Variants in GALNT13 observed in about 807,000 individuals in gnomAD.
The protein encoded by GALNT13 is UDP-GalNAc:polypeptide N-acetylgalactosaminyltransferase 13.
In GALNT13, 28 loss-of-function variants were observed where a neutral mutation model predicts 64.2. The observed-to-expected ratio is 0.44, with a 90% CI of 0.32 to 0.60. GALNT13 has a LOEUF of 0.60. GALNT13 is among the 20% of genes least tolerant of loss of function. GALNT13 has a pLI of 0.05. For missense variants in GALNT13, 577 were observed against 669.8 expected (o/e 0.86, Z 1.53); for synonymous variants, 214 against 224.6 (o/e 0.95, Z 0.42).
At chr2:153,378,304 ATAGATAATT>A in the GALNT13 span, among the ~76,000 whole-genome samples, 1 of 106,480 alleles carries the variant, frequency 9.4e-6, no homozygotes, top group African/African-American at 3.9e-5. Context: ...AGATAGATAG[ATAGATAATT>A]TTTTTTTTTT....
intron 2 of GALNT13, among the ~76,000 whole-genome samples, chr2:153,944,049 A>G (rs1047785680): frequency 7.2e-5 from 11 of 152,226 alleles, no homozygotes; most frequent in Non-Finnish European, 1.3e-4. Context: ...TTGGCTAGTC[A>G]GAAGTACTGA....
At chr2:153,606,506 C>G in the GALNT13 span, among the ~76,000 whole-genome samples, 1 of 152,042 alleles carries the variant, frequency 6.6e-6, no homozygotes, top group African/African-American at 2.4e-5. Context: ...TTTTTAAAAG[C>G]TAATCAGCTA....
the GALNT13 span, among the ~76,000 whole-genome samples, chr2:153,188,913 G>T: frequency 6.6e-6 from 1 of 152,062 alleles, no homozygotes; most frequent in South Asian, 2.1e-4. Flanking sequence ...TAATGATCAA[G>T]TCAGGGTATT....
the GALNT13 span, among the ~76,000 whole-genome samples, chr2:153,090,664 G>A: frequency 2.6e-5 from 4 of 152,164 alleles, no homozygotes; most frequent in South Asian, 8.3e-4. Context: ...CAGCATATGG[G>A]AAGGGCCATA....
At chr2:154,201,399 A>G (rs989181104) in intron 4 of GALNT13, among the ~76,000 whole-genome samples, 3 of 152,142 alleles carry the variant, frequency 2.0e-5, no homozygotes, top group Non-Finnish European at 4.4e-5. Flanking sequence ...AGACCAACGC[A>G]TCTCTTACCT....
At chr2:153,523,520 T>C in the GALNT13 span, among the ~76,000 whole-genome samples, 1 of 152,224 alleles carries the variant, frequency 6.6e-6, no homozygotes, top group Admixed American at 6.5e-5. Context: ...TTTCCTCAGA[T>C]AGACCTTGTA....
chr2:154,274,253 A>G (rs985438195), intron 8 of GALNT13, among the ~76,000 whole-genome samples: 2 of 152,194 alleles, frequency 1.3e-5, no homozygotes, highest in African/African-American at 4.8e-5. Flanking sequence ...ATGCAGATAT[A>G]TAGTGCATTA....
chr2:153,499,437 G>T, the GALNT13 span, among the ~76,000 whole-genome samples: 2 of 152,298 alleles, frequency 1.3e-5, no homozygotes, highest in East Asian at 3.9e-4. Context: ...ACTTCACCTG[G>T]AACTGACAGC....
the GALNT13 span, among the ~76,000 whole-genome samples, chr2:153,569,443 AT>A: frequency 3.3e-5 from 5 of 150,702 alleles, no homozygotes; most frequent in Admixed American, 6.6e-5. Flanking sequence ...TCTTGATGTA[AT>A]TTTATAGAAG....
At chr2:154,354,621 T>C (rs10208796) in intron 9 of GALNT13, among the ~76,000 whole-genome samples, 51,264 of 108,776 alleles carry the variant, frequency 0.47, 9,609 homozygotes, top group East Asian at 0.71. Context: ...ATCTCACTTT[T>C]TTTTTTTTTG....
chr2:153,765,620 A>G, the GALNT13 span, among the ~76,000 whole-genome samples: 3 of 152,170 alleles, frequency 2.0e-5, no homozygotes, highest in Admixed American at 2.0e-4. Flanking sequence ...GACATGAGAT[A>G]AGACTTTGGG....
At chr2:154,301,091 A>G (rs944298656) in intron 8 of GALNT13, among the ~76,000 whole-genome samples, 1 of 152,232 alleles carries the variant, frequency 6.6e-6, no homozygotes, top group Non-Finnish European at 1.5e-5. Flanking sequence ...GTACAGATTC[A>G]TTAATAGCAG....
chr2:153,408,664 GT>G, the GALNT13 span, among the ~76,000 whole-genome samples: 46 of 135,650 alleles, frequency 3.4e-4, 1 homozygote, highest in South Asian at 5.7e-4. Flanking sequence ...TTTTGTTTTT[GT>G]TTTTTTTTTG....
At chr2:153,995,321 T>G (rs985649011) in intron 3 of GALNT13, among the ~76,000 whole-genome samples, 12 of 151,872 alleles carry the variant, frequency 7.9e-5, no homozygotes, top group African/African-American at 2.7e-4. Flanking sequence ...ATTAAAACAT[T>G]TATTTTATGT....
chr2:153,899,231 A>G (rs1000089808), intron 1 of GALNT13, among the ~76,000 whole-genome samples: 3 of 152,174 alleles, frequency 2.0e-5, no homozygotes, highest in African/African-American at 4.8e-5. Flanking sequence ...GATGAAACCC[A>G]GGTCAGAAAA....
chr2:154,438,392 T>A (rs1169353560), intron 11 of GALNT13, among the ~76,000 whole-genome samples, 200 bp from the exon 12 acceptor site: 11 of 152,152 alleles, frequency 7.2e-5, no homozygotes, highest in Non-Finnish European at 1.5e-5. Flanking sequence ...CACCAAAACA[T>A]CATAAAACAG....
chr2:153,140,677 T>G, the GALNT13 span, among the ~76,000 whole-genome samples: 1 of 152,054 alleles, frequency 6.6e-6, no homozygotes, highest in Non-Finnish European at 1.5e-5. Context: ...GTAAAACATA[T>G]GTTAACCACC....
the GALNT13 span, among the ~76,000 whole-genome samples, chr2:153,119,196 G>A: frequency 6.6e-6 from 1 of 151,976 alleles, no homozygotes; most frequent in East Asian, 1.9e-4. Flanking sequence ...CCAGTCTTGG[G>A]TATGTCTTTA....
At chr2:153,960,917 T>A (rs1692898558) in intron 3 of GALNT13, among the ~76,000 whole-genome samples, 1 of 152,180 alleles carries the variant, frequency 6.6e-6, no homozygotes, top group African/African-American at 2.4e-5. Flanking sequence ...TGGAATACTG[T>A]CATTTAAAAT....
Sources: allele counts gnomAD v4.1 joint callset (sites outside exome capture counted in the v4.1 genomes callset), GRCh38; gene constraint gnomAD v4.1.1; transcripts MANE v1.5; gene names NCBI Gene and HGNC (gene_info 2026-07-23, HGNC 2026-07-21).